The following OSBPL6 variants were observed in gnomAD, a reference collection of about 807,000 sequenced individuals.
OSBPL6 encodes oxysterol-binding protein-related protein 6.
In OSBPL6, 49 loss-of-function variants were observed where a neutral mutation model predicts 125.8. The ratio of observed to expected loss-of-function variants is 0.39; its 90% CI spans 0.31 to 0.49. OSBPL6 has a LOEUF of 0.49. Ranked by LOEUF, OSBPL6 falls within the 20% of genes least tolerant of loss-of-function variation. The pLI, the probability that OSBPL6 is intolerant of heterozygous loss-of-function variation, is 0.88. For missense variants in OSBPL6, 986 were observed against 1,135.4 expected (o/e 0.87, Z 1.89); for synonymous variants, 394 against 391.8 (o/e 1.01, Z -0.07).
chr2:178,310,706 C>T (rs888652649), intron 3 of OSBPL6, among the ~76,000 whole-genome samples: 1 of 152,128 alleles, frequency 6.6e-6, no homozygotes, highest in Non-Finnish European at 1.5e-5. Flanking sequence ...CGTGAGCCAC[C>T]GCACCCAGCC....
chr2:178,326,789 C>A (rs1325769585), intron 4 of OSBPL6, among the ~76,000 whole-genome samples: 3 of 152,148 alleles, frequency 2.0e-5, no homozygotes, highest in South Asian at 2.1e-4. Flanking sequence ...TTTTCCATTT[C>A]TTTTACTGGA....
At chr2:178,261,560 A>G (rs915936227) in intron 1 of OSBPL6, among the ~76,000 whole-genome samples, 1 of 152,232 alleles carries the variant, frequency 6.6e-6, no homozygotes, top group Non-Finnish European at 1.5e-5. Context: ...AATATTATAC[A>G]GTCTGTTTTT....
At chr2:178,344,029 A>G (rs1690466575) in intron 11 of OSBPL6, among the ~76,000 whole-genome samples, 3 of 152,198 alleles carry the variant, frequency 2.0e-5, no homozygotes, top group Admixed American at 1.3e-4. Flanking sequence ...CAGGCTGTCC[A>G]TCAGTTTATA....
At chr2:178,388,498 G>A (rs1400585264) in intron 20 of OSBPL6, among the ~76,000 whole-genome samples, 2 of 152,134 alleles carry the variant, frequency 1.3e-5, no homozygotes, top group Non-Finnish European at 2.9e-5. Context: ...CTCACCTGGA[G>A]CACAGCATTC....
intron 1 of OSBPL6, among the ~76,000 whole-genome samples, chr2:178,281,852 G>A (rs1684219520): frequency 6.6e-6 from 1 of 152,048 alleles, no homozygotes; most frequent in Non-Finnish European, 1.5e-5. Flanking sequence ...TGCATGTGGG[G>A]CTTCATACCT....
intron 13 of OSBPL6, among the ~76,000 whole-genome samples, chr2:178,367,756 G>A (rs748761186): frequency 3.3e-4 from 50 of 152,242 alleles, no homozygotes; most frequent in Non-Finnish European, 6.6e-4. Context: ...GGGGAAATGA[G>A]CATGCATTGT....
chr2:178,208,657 C>G (rs1396044644), intron 1 of OSBPL6, among the ~76,000 whole-genome samples: 1 of 126,584 alleles, frequency 7.9e-6, no homozygotes, highest in African/African-American at 2.9e-5. Flanking sequence ...TTCCCCTCCC[C>G]TTCCCTCCCA....
At chr2:178,280,640 A>G (rs1165181261) in intron 1 of OSBPL6, among the ~76,000 whole-genome samples, 1 of 152,242 alleles carries the variant, frequency 6.6e-6, no homozygotes, top group Non-Finnish European at 1.5e-5. Flanking sequence ...CAAAATAGAC[A>G]ATAATAGATT....
At chr2:178,370,881 G>T (rs1693319045) in intron 13 of OSBPL6, among the ~76,000 whole-genome samples, 1 of 152,210 alleles carries the variant, frequency 6.6e-6, no homozygotes, top group Admixed American at 6.5e-5. Context: ...TGAGGGAAGG[G>T]AAGACATGGG....
rs536697559 is a variant in OSBPL6, at chr2:178,396,396, C to A, written c.*837C>A. 14 of 152,410 alleles carry A rather than the reference C, an allele frequency of 9.2e-5. No individual in the cohort carries two copies. The East Asian group carries it at 2.7e-3, about 29-fold the overall frequency. 9.4% of individuals were successfully genotyped at this position (152,410 alleles called of 1,614,324 possible). A position where few individuals can be genotyped will look rare whatever the true frequency, so the allele number is the denominator to read the frequency against. ...GTCCTGCGTCCAGATAATAAACCAT[C>A]CCTCTTCCACCTAACCTCACAGTGT... On this transcript the variant is annotated 3_prime_UTR_variant, in exon 25 of 25. Transcript: ENST00000190611.
chr2:178,383,913 A>C (rs1385102469), intron 17 of OSBPL6, 126 bp from the exon 18 acceptor site: 1 of 1,144,840 alleles, frequency 8.7e-7, no homozygotes, highest in Middle Eastern at 2.9e-4. Flanking sequence ...CAGACAATAG[A>C]AAATGCAACT....
rs761109602 is a variant in OSBPL6, at chr2:178,389,042, C to T, written c.2190C>T (p.Thr730=). The part of the protein sequence containing the change: ...YGDYYVWNKV[T]TCIHNILSGR... ...ATTACTATGTGTGGAATAAAGTCAC[C>T]ACTTGCATACACAACATCCTCAGTG... The change falls in exon 21 of 25, where the codon ACC becomes ACT. Residue 730 remains threonine, a synonymous_variant. Coordinates refer to ENST00000190611, the MANE Select transcript of OSBPL6 (RefSeq NM_032523.4). 2.5e-6 allele frequency: 4 copies of T among 1,613,762 alleles called. No individual in the cohort carries two copies. Among genetic ancestry groups the T allele is most frequent in the East Asian group, 4.5e-5 (2 of 44,860 alleles).
chr2:178,313,535 A>G (rs762615443), intron 3 of OSBPL6, among the ~76,000 whole-genome samples: 19 of 152,196 alleles, frequency 1.2e-4, no homozygotes, highest in Non-Finnish European at 2.5e-4. Flanking sequence ...AGCCCTCGTA[A>G]TGACTCAAAG....
At chr2:178,337,831 T>C (rs1689826349) in intron 9 of OSBPL6, among the ~76,000 whole-genome samples, 1 of 152,178 alleles carries the variant, frequency 6.6e-6, no homozygotes, top group Admixed American at 6.5e-5. Context: ...TATAGCACCA[T>C]TTATATAGAA....
intron 3 of OSBPL6, among the ~76,000 whole-genome samples, chr2:178,318,963 C>T (rs1221246934): frequency 6.6e-6 from 1 of 152,232 alleles, no homozygotes; most frequent in East Asian, 1.9e-4. Flanking sequence ...TGTGCATACA[C>T]TGGATGCCTA....
intron 2 of OSBPL6, among the ~76,000 whole-genome samples, chr2:178,287,457 T>C (rs964814452): frequency 3.9e-5 from 6 of 152,224 alleles, no homozygotes; most frequent in Non-Finnish European, 8.8e-5. Context: ...AGATCAGTAT[T>C]GCCTAGGATC....
In OSBPL6 at chr2:178,395,547, T is replaced by A; in HGVS notation, c.2793T>A (p.Pro931=). 3 of 1,610,060 alleles carry A rather than the reference T, an allele frequency of 1.9e-6. No individual in the cohort carries two copies. The highest frequency in any genetic ancestry group is 2.5e-6 in the Non-Finnish European group (3 of 1,176,574). Residue 931 remains proline (P), a synonymous_variant, in exon 25 of 25, where the codon CCT becomes CCA. Coordinates refer to ENST00000190611, the MANE Select transcript of OSBPL6 (RefSeq NM_032523.4). ...CTGGGTTTAGCAAAGTAGACAGCCCTGTTCTTTGGTAGACTGGGAATGTAG... is the reference window on the plus strand; with the variant it reads ...CTGGGTTTAGCAAAGTAGACAGCCCAGTTCTTTGGTAGACTGGGAATGTAG... ...KDPGFSKVDS[P]VLW
intron 14 of OSBPL6, among the ~76,000 whole-genome samples, chr2:178,372,910 A>T (rs1693531938): frequency 6.6e-6 from 1 of 152,202 alleles, no homozygotes. Flanking sequence ...TTAAGTGTAT[A>T]ATTCTGTTTA....
intron 1 of OSBPL6, among the ~76,000 whole-genome samples, chr2:178,267,541 A>G (rs1245264325): frequency 6.6e-6 from 1 of 152,138 alleles, no homozygotes; most frequent in Non-Finnish European, 1.5e-5. Flanking sequence ...ATATGTAAGT[A>G]TAAGCTATAT....
Sources: gnomAD v4.1 joint callset for allele counts (sites outside exome capture counted in the v4.1 genomes callset) on GRCh38, gnomAD v4.1.1 for gene constraint, MANE v1.5 for transcripts, NCBI Gene and HGNC (gene_info 2026-07-23, HGNC 2026-07-21) for gene names.